Variants in PACRG observed in about 807,000 individuals in gnomAD.
The protein encoded by PACRG is parkin coregulated gene protein.
PACRG carries 29 observed loss-of-function variants against 29.7 expected under a neutral mutation model. The observed-to-expected ratio is 0.98, with a 90% CI of 0.73 to 1.33. The LOEUF (loss-of-function observed/expected upper bound fraction) is 1.33. PACRG is among the 40% of genes most tolerant of loss of function. PACRG has a pLI of 0.00. For missense variants in PACRG, 279 were observed against 316.2 expected (o/e 0.88, Z 0.89); for synonymous variants, 116 against 118.7 (o/e 0.98, Z 0.15).
At chr6:162,901,976 T>C (rs565856290) in intron 2 of PACRG, among the ~76,000 whole-genome samples, 1 of 152,312 alleles carries the variant, frequency 6.6e-6, no homozygotes, top group South Asian at 2.1e-4. Context: ...TAAAGAACAA[T>C]GCCCAGGCGT....
intron 2 of PACRG, among the ~76,000 whole-genome samples, chr6:162,942,386 T>A (rs1398241950): frequency 6.6e-6 from 1 of 152,166 alleles, no homozygotes; most frequent in Non-Finnish European, 1.5e-5. Context: ...GTTTCATGCA[T>A]CTCCTACTAT....
chr6:162,950,324 C>T (rs527414336), intron 2 of PACRG, among the ~76,000 whole-genome samples: 95 of 151,848 alleles, frequency 6.3e-4, no homozygotes, highest in African/African-American at 2.1e-3. Flanking sequence ...GGTGAAACCC[C>T]GTCTCTACTA....
chr6:162,853,088 G>A lies in PACRG; in HGVS notation c.291+38807G>A, dbSNP rs1791066566. 6.6e-6 allele frequency among the ~76,000 whole-genome samples: 1 copy of A among 152,126 alleles called. No homozygotes were observed. The highest frequency in any genetic ancestry group is 2.4e-5 in the African/African-American group (1 of 41,434). ...GATGGATGAGAGATTTCCTTCTTTTGTAAAGCGGCAGAACTATTGTGAAAG... is the reference window on the plus strand; with the variant it reads ...GATGGATGAGAGATTTCCTTCTTTTATAAAGCGGCAGAACTATTGTGAAAG... On this transcript the variant is annotated intron_variant, in intron 2 of 4. Coordinates refer to ENST00000366888, the MANE Select transcript of PACRG (RefSeq NM_001080379.2). This position sits in a 1 kb window ranked among gnomAD's most constrained non-coding sequence, Gnocchi z 4.7.
At chr6:163,179,506 C>T in intron 4 of PACRG, 1 of 252,926 alleles carries the variant, frequency 4.0e-6, no homozygotes, top group Non-Finnish European at 7.9e-6. Context: ...GAGTTCCAGG[C>T]CAGCCTGGGC....
chr6:162,795,060 A>G (rs1483999244), intron 1 of PACRG, among the ~76,000 whole-genome samples: 1 of 152,100 alleles, frequency 6.6e-6, no homozygotes, highest in African/African-American at 2.4e-5. Flanking sequence ...GGAGACCGAG[A>G]CACTTAAAAG....
intron 2 of PACRG, among the ~76,000 whole-genome samples, chr6:162,947,864 C>T (rs1399455253): frequency 6.6e-6 from 1 of 150,850 alleles, no homozygotes; most frequent in African/African-American, 2.4e-5. Context: ...AACACCTCTA[C>T]AAAGAAAACT....
intron 1 of PACRG, among the ~76,000 whole-genome samples, chr6:162,787,582 G>GTGTATATA (rs1198197561): frequency 1.2e-3 from 76 of 62,372 alleles, no homozygotes; most frequent in East Asian, 4.6e-3. Context: ...GTGTGTGTGT[G>GTGTATATA]TATATATATA....
intron 1 of PACRG, among the ~76,000 whole-genome samples, chr6:162,782,551 T>C (rs1784172632): frequency 6.6e-6 from 1 of 151,910 alleles, no homozygotes; most frequent in African/African-American, 2.4e-5. Context: ...CATAGCACTT[T>C]CTCTAGAAGT....
At chr6:163,097,976 T>G (rs77645795) in intron 4 of PACRG, among the ~76,000 whole-genome samples, 1,622 of 152,252 alleles carry the variant, frequency 0.011, 32 homozygotes, top group African/African-American at 0.038. Context: ...GACTTTTCAG[T>G]CCATTTCAAA....
At chr6:163,004,886 A>G (rs1260950956) in intron 2 of PACRG, among the ~76,000 whole-genome samples, 1 of 152,054 alleles carries the variant, frequency 6.6e-6, no homozygotes, top group East Asian at 1.9e-4. Context: ...CCTACCATTT[A>G]CTAACTACAA....
At chr6:162,970,359 A>G (rs895830861) in intron 2 of PACRG, among the ~76,000 whole-genome samples, 4 of 152,100 alleles carry the variant, frequency 2.6e-5, no homozygotes, top group Admixed American at 1.3e-4. Flanking sequence ...TGCTGTGGGA[A>G]TATACTTAGG....
chr6:163,276,811 C>T (rs1424594169), intron 4 of PACRG, among the ~76,000 whole-genome samples: 1 of 152,174 alleles, frequency 6.6e-6, no homozygotes, highest in Non-Finnish European at 1.5e-5. Flanking sequence ...GACAATGACT[C>T]TGCTGGTGCC....
intron 4 of PACRG, among the ~76,000 whole-genome samples, chr6:163,114,876 GTAA>G (rs1815899616): frequency 6.7e-6 from 1 of 149,784 alleles, no homozygotes; most frequent in Admixed American, 6.6e-5. Context: ...AAAAAAAAAG[GTAA>G]TAATGTGAGG....
chr6:163,063,872 G>A (rs2128267411), intron 3 of PACRG, among the ~76,000 whole-genome samples: 1 of 152,270 alleles, frequency 6.6e-6, no homozygotes, highest in East Asian at 1.9e-4. Context: ...GGAGGGTGTA[G>A]CGTCCCGAGC....
At chr6:163,283,110 C>T (rs181621804) in intron 4 of PACRG, among the ~76,000 whole-genome samples, 9 of 152,260 alleles carry the variant, frequency 5.9e-5, no homozygotes, top group Admixed American at 5.9e-4. Flanking sequence ...AATTTTCATG[C>T]AAAAAATCAA....
At chr6:163,194,054 G>A (rs1050564098) in intron 4 of PACRG, among the ~76,000 whole-genome samples, 3 of 151,962 alleles carry the variant, frequency 2.0e-5, no homozygotes, top group South Asian at 4.2e-4. Flanking sequence ...CACCAAAGCC[G>A]GTTAATTTTT....
chr6:163,238,297 G>C (rs1018529498), intron 4 of PACRG, among the ~76,000 whole-genome samples: 19 of 152,294 alleles, frequency 1.2e-4, no homozygotes, highest in African/African-American at 4.6e-4. Context: ...GGGAGCAATG[G>C]AGACTTTATT....
intron 4 of PACRG, among the ~76,000 whole-genome samples, chr6:163,129,777 G>A (rs1432306423): frequency 6.6e-6 from 1 of 152,116 alleles, no homozygotes; most frequent in Non-Finnish European, 1.5e-5. Context: ...CTCACACTCA[G>A]TTTCCTCCCT....
At chr6:162,727,388 G>T, upstream of PACRG, 1 of 489,140 alleles carries the variant, frequency 2.0e-6, no homozygotes, top group South Asian at 2.9e-5. Flanking sequence ...AGGAGCGGGG[G>T]TGCGGGGCCG....
Sources: gnomAD v4.1 joint callset for allele counts (sites outside exome capture counted in the v4.1 genomes callset) on GRCh38, gnomAD v4.1.1 for gene constraint, Gnocchi (gnomAD v3.1) non-coding constraint, MANE v1.5 for transcripts, NCBI Gene and HGNC (gene_info 2026-07-23, HGNC 2026-07-21) for gene names.